The following KCTD8 variants were observed in gnomAD, a reference collection of about 807,000 sequenced individuals.
KCTD8 encodes the protein BTB/POZ domain-containing protein KCTD8.
In KCTD8, 27 loss-of-function variants were observed where a neutral mutation model predicts 31.5. The ratio of observed to expected loss-of-function variants is 0.86; its 90% CI spans 0.63 to 1.18. The LOEUF (loss-of-function observed/expected upper bound fraction) is 1.18. KCTD8 is among the 50% of genes most tolerant of loss of function. The probability of loss-of-function intolerance (pLI) is 0.00; values close to 1 mark genes in which losing one functional copy is unlikely to be tolerated. For missense variants in KCTD8, 658 were observed against 647.7 expected (o/e 1.02, Z -0.17); for synonymous variants, 290 against 280.0 (o/e 1.04, Z -0.36).
At chr4:44,322,740 A>G (rs1718329021) in intron 1 of KCTD8, among the ~76,000 whole-genome samples, 1 of 152,060 alleles carries the variant, frequency 6.6e-6, no homozygotes, top group South Asian at 2.1e-4. Flanking sequence ...TTATGTCTGT[A>G]ATCTATTTTG....
intron 1 of KCTD8, among the ~76,000 whole-genome samples, chr4:44,429,654 T>A (rs73812289): frequency 6.6e-6 from 1 of 151,782 alleles, no homozygotes; most frequent in African/African-American, 2.4e-5. Flanking sequence ...ATGTCATTAT[T>A]GTTTTTAATT....
chr4:44,254,222 A>G (rs756535130), intron 1 of KCTD8, among the ~76,000 whole-genome samples: 31 of 152,058 alleles, frequency 2.0e-4, no homozygotes, highest in Non-Finnish European at 3.4e-4. Context: ...AGCAGAATCT[A>G]GAGGAAACAT....
At chr4:44,221,816 G>A (rs1714817297) in intron 1 of KCTD8, among the ~76,000 whole-genome samples, 2 of 151,954 alleles carry the variant, frequency 1.3e-5, no homozygotes, top group South Asian at 4.2e-4. Context: ...CCCAGATTGA[G>A]GGTGTCTGTG....
intron 1 of KCTD8, among the ~76,000 whole-genome samples, chr4:44,224,787 G>A (rs1173188845): frequency 1.3e-5 from 2 of 152,192 alleles, no homozygotes; most frequent in Non-Finnish European, 2.9e-5. Flanking sequence ...GAGATAGTGA[G>A]TATGGTGGTC....
chr4:44,433,348 C>T (rs1721560370), intron 1 of KCTD8, among the ~76,000 whole-genome samples: 1 of 151,652 alleles, frequency 6.6e-6, no homozygotes, highest in Non-Finnish European at 1.5e-5. Context: ...AGAGTATAAA[C>T]TTTCACTAAT....
intron 1 of KCTD8, among the ~76,000 whole-genome samples, chr4:44,264,420 G>T (rs929107196): frequency 1.3e-5 from 2 of 152,080 alleles, no homozygotes; most frequent in Non-Finnish European, 2.9e-5. Flanking sequence ...AGGCTCATCA[G>T]AGTGTCAGCA....
chr4:44,405,297 C>T (rs557364288), intron 1 of KCTD8, among the ~76,000 whole-genome samples: 2 of 151,978 alleles, frequency 1.3e-5, no homozygotes, highest in African/African-American at 4.8e-5. Flanking sequence ...CTCGCTCTGT[C>T]GCCAGGCTGG....
chr4:44,320,595 T>G (rs1306744092), intron 1 of KCTD8, among the ~76,000 whole-genome samples: 1 of 152,138 alleles, frequency 6.6e-6, no homozygotes, highest in Non-Finnish European at 1.5e-5. Context: ...CCTCACCAAA[T>G]AAAGCATTTT....
intron 1 of KCTD8, among the ~76,000 whole-genome samples, chr4:44,218,008 CAT>C (rs1352562105): frequency 3.3e-5 from 5 of 151,776 alleles, no homozygotes; most frequent in Non-Finnish European, 4.4e-5. Flanking sequence ...TTTTCACATA[CAT>C]GTATATCCTA....
intron 1 of KCTD8, among the ~76,000 whole-genome samples, chr4:44,313,142 A>G (rs1718003582): frequency 6.6e-6 from 1 of 152,172 alleles, no homozygotes; most frequent in Non-Finnish European, 1.5e-5. Context: ...GAAGAACTCC[A>G]TGAAAACTGG....
intron 1 of KCTD8, among the ~76,000 whole-genome samples, chr4:44,217,303 C>T (rs142759510): frequency 5.9e-5 from 9 of 152,152 alleles, no homozygotes; most frequent in Admixed American, 5.2e-4. Flanking sequence ...TATTAACAGG[C>T]CATAGAAATA....
At chr4:44,382,918 C>G (rs1240031445) in intron 1 of KCTD8, among the ~76,000 whole-genome samples, 1 of 151,694 alleles carries the variant, frequency 6.6e-6, no homozygotes, top group East Asian at 1.9e-4. Context: ...AACCTGAAGA[C>G]TCTACCAAAA....
chr4:44,308,247 G>A (rs533242170), intron 1 of KCTD8, among the ~76,000 whole-genome samples: 6 of 151,924 alleles, frequency 3.9e-5, no homozygotes, highest in Non-Finnish European at 7.4e-5. Context: ...CTGGTATATC[G>A]ATATAGTATA....
intron 1 of KCTD8, among the ~76,000 whole-genome samples, chr4:44,359,229 C>A (rs561216819): frequency 6.6e-6 from 1 of 151,304 alleles, no homozygotes; most frequent in Non-Finnish European, 1.5e-5. Context: ...AGTCATGAAG[C>A]CTTTGCCCAT....
chr4:44,378,077 CAT>C (rs1032471527), intron 1 of KCTD8, among the ~76,000 whole-genome samples: 1 of 150,106 alleles, frequency 6.7e-6, no homozygotes, highest in Non-Finnish European at 1.5e-5. Flanking sequence ...AACCAGAACA[CAT>C]AGTTATTTTA....
intron 1 of KCTD8, among the ~76,000 whole-genome samples, chr4:44,176,305 G>A (rs1312758223): frequency 3.3e-5 from 5 of 152,030 alleles, no homozygotes; most frequent in African/African-American, 7.3e-5. Flanking sequence ...GTCTAATTTC[G>A]GGGGTCTAAC....
intron 1 of KCTD8, among the ~76,000 whole-genome samples, chr4:44,446,159 C>A (rs910562296): frequency 1.3e-5 from 2 of 152,142 alleles, no homozygotes; most frequent in Admixed American, 6.5e-5. Flanking sequence ...ACCCAACTTC[C>A]AAGGTTACCA....
chr4:44,383,602 A>G (rs1293388889), intron 1 of KCTD8, among the ~76,000 whole-genome samples: 1 of 152,080 alleles, frequency 6.6e-6, no homozygotes, highest in Non-Finnish European at 1.5e-5. Flanking sequence ...GTGCTGGGAA[A>G]ACTGAATAAC....
intron 1 of KCTD8, among the ~76,000 whole-genome samples, chr4:44,249,533 A>G (rs1000601904): frequency 2.0e-5 from 3 of 151,822 alleles, no homozygotes; most frequent in African/African-American, 7.2e-5. Context: ...CTGCCATTAA[A>G]ATGTAAAAGC....
Sources: allele counts gnomAD v4.1 joint callset (sites outside exome capture counted in the v4.1 genomes callset), GRCh38; gene constraint gnomAD v4.1.1; transcripts MANE v1.5; gene names NCBI Gene and HGNC (gene_info 2026-07-23, HGNC 2026-07-21).